The following DOCK11 variants were observed in gnomAD, a reference collection of about 807,000 sequenced individuals.
DOCK11 encodes dedicator of cytokinesis 11, also known as dedicator of cytokinesis protein 11.
Under a neutral mutation model 169.1 loss-of-function variants are expected in DOCK11, and 70 were observed. That is an observed-to-expected ratio of 0.41 (90% CI 0.34 to 0.51). The LOEUF (loss-of-function observed/expected upper bound fraction) is 0.51. DOCK11 is among the 20% of genes least tolerant of loss of function. The pLI, the probability that DOCK11 is intolerant of heterozygous loss-of-function variation, is 0.10. For synonymous variants in DOCK11, 529 were observed against 541.3 expected (o/e 0.98, Z 0.32); for missense variants, 1,166 against 1,538.8 (o/e 0.76, Z 4.05).
chrX:118,505,589 C>A (rs2147307168), intron 1 of DOCK11, among the ~76,000 whole-genome samples: 1 of 112,349 alleles, frequency 8.9e-6, no homozygotes, highest in African/African-American at 3.2e-5. Context: ...AGAATCTTAC[C>A]CTTCCTGGAA....
Position 118,654,931 on chromosome X carries a change from G to A in DOCK11, c.4939G>A (p.Ala1647Thr), listed in dbSNP as rs762176677. 1.7e-6 allele frequency: 2 copies of A among 1,209,001 alleles called. No homozygotes were observed. The highest frequency in any genetic ancestry group is 1.8e-5 in the South Asian group (1 of 56,855). ...EAAMCYVHVA[A>T]LVAEFLHRKK... The stretch of plus-strand genomic sequence containing the variant: ...TGCGATGTGTTATGTCCATGTAGCA[G>A]CTCTAGTTGCAGAGTTTCTTCATCG... Residue 1647 changes from alanine (A) to threonine (T), a missense_variant, in exon 44 of 53, where the codon GCT (alanine) becomes ACT (threonine). Ala to Thr is a moderately conservative substitution (Grantham distance 58). Transcript: ENST00000276202.
intron 1 of DOCK11, among the ~76,000 whole-genome samples, chrX:118,508,908 C>T (rs1056783638): frequency 1.8e-5 from 2 of 112,339 alleles, no homozygotes; most frequent in East Asian, 2.8e-4. Flanking sequence ...CCCTGCCTGC[C>T]CTGCTTCCTT....
chrX:118,663,233 C>T (rs1484559593), intron 45 of DOCK11, among the ~76,000 whole-genome samples: 4 of 112,408 alleles, frequency 3.6e-5, no homozygotes, highest in Admixed American at 1.9e-4. Context: ...ACAGCAAGGC[C>T]TTGGACTTGG....
Position 118,568,102 on chromosome X carries a change from AAAC to A in DOCK11, c.978_980del (p.Asn326del), listed in dbSNP as rs2013135104. On this transcript the variant is annotated inframe_deletion, in exon 10 of 53. Transcript: ENST00000276202. ...AGTATGGAAGAGAAACTGAACAACT[AAAC>A]AAACTCAGTAGAGGAGATGGAAGAC... 1 of 1,156,169 alleles carries A rather than the reference AAAC, an allele frequency of 8.6e-7. No homozygotes were observed. Among genetic ancestry groups the A allele is most frequent in the Non-Finnish European group, 1.2e-6 (1 of 866,967 alleles).
chrX:118,561,379 G>GT lies in DOCK11; in HGVS notation c.559-3dup. The GT allele has an allele frequency of 6.7e-6, 8 of 1,187,686 alleles. No individual in the cohort carries two copies. The highest frequency in any genetic ancestry group is 9.1e-6 in the Non-Finnish European group (8 of 883,855). The stretch of plus-strand genomic sequence containing the variant: ...TGTATCATTGCTGGGTTTTCCCCAT[G>GT]TAGGTATTCAAGAGACGATATTTTT... On this transcript the variant is annotated splice_region_variant and splice_polypyrimidine_tract_variant and intron_variant, in intron 6 of 52. Transcript: ENST00000276202.
rs2057552036 is a variant in DOCK11, at chrX:118,498,429, G to A, written c.102+2356G>A. On this transcript the variant is annotated intron_variant, in intron 1 of 52. Coordinates refer to ENST00000276202, the MANE Select transcript of DOCK11 (RefSeq NM_144658.4). Reference sequence around the variant, plus strand: ...GCTATTTGTAAGCAGTTTAGTCAACGAAAAAATAAGGAAATAGTTCTTACA... The same window carrying A: ...GCTATTTGTAAGCAGTTTAGTCAACAAAAAAATAAGGAAATAGTTCTTACA... Among the ~76,000 whole-genome samples the A allele has an allele frequency of 3.6e-5, 4 of 112,294 alleles. No individual in the cohort carries two copies. In the South Asian group the frequency reaches 1.5e-3, roughly 41 times the overall value.
chrX:118,614,452 A>G (rs1168459415), intron 28 of DOCK11, among the ~76,000 whole-genome samples: 2 of 111,520 alleles, frequency 1.8e-5, no homozygotes, highest in African/African-American at 3.3e-5. Context: ...GTGTGTGGCT[A>G]TATATACATC....
intron 1 of DOCK11, among the ~76,000 whole-genome samples, chrX:118,541,138 G>T (rs2011980836): frequency 8.9e-6 from 1 of 111,983 alleles, no homozygotes; most frequent in African/African-American, 3.2e-5. Flanking sequence ...TGGTATATCA[G>T]ATTGTGGTAA....
At chrX:118,679,000 C>T (rs755768370) in intron 48 of DOCK11, among the ~76,000 whole-genome samples, 12 of 111,052 alleles carry the variant, frequency 1.1e-4, no homozygotes, top group African/African-American at 3.9e-4. Flanking sequence ...CTATGTTGCC[C>T]AGGCTGGTCT....
In DOCK11 at chrX:118,669,453, G is replaced by A. The variant is rs1024244058; in HGVS notation, c.5077-1570G>A. Among the ~76,000 whole-genome samples, 9 of 111,863 alleles carry A rather than the reference G, an allele frequency of 8.0e-5. No homozygotes were observed. The South Asian group carries it at 3.3e-3, about 42-fold the overall frequency. On this transcript the variant is annotated intron_variant, in intron 45 of 52. Coordinates refer to ENST00000276202, the MANE Select transcript of DOCK11 (RefSeq NM_144658.4). The stretch of plus-strand genomic sequence containing the variant: ...GTAGGTGAAGATAAAGGTGTTAGCC[G>A]ACTTGGTGTCTGGTGAGGATCGACT...
intron 45 of DOCK11, among the ~76,000 whole-genome samples, chrX:118,669,332 A>T (rs2016412414): frequency 8.9e-6 from 1 of 112,097 alleles, no homozygotes; most frequent in African/African-American, 3.2e-5. Context: ...ATAGTTGCGT[A>T]GATATCTGAG....
chrX:118,518,139 T>C, intron 1 of DOCK11, among the ~76,000 whole-genome samples: 1 of 112,384 alleles, frequency 8.9e-6, no homozygotes, highest in South Asian at 3.6e-4. Flanking sequence ...TGAATCTTTG[T>C]TCTTTTATTT....
intron 20 of DOCK11, among the ~76,000 whole-genome samples, chrX:118,597,185 C>T (rs1453835110): frequency 1.8e-5 from 2 of 111,703 alleles, no homozygotes; most frequent in East Asian, 5.6e-4. Flanking sequence ...ATGGAAAGGC[C>T]ATGTTGCTGT....
At chrX:118,514,966 C>T (rs965797347) in intron 1 of DOCK11, among the ~76,000 whole-genome samples, 1 of 111,962 alleles carries the variant, frequency 8.9e-6, no homozygotes, top group Non-Finnish European at 1.9e-5. Flanking sequence ...AGAGGCCAGA[C>T]GTCTGAAATA....
chrX:118,638,519 A>G (rs1210571693), intron 37 of DOCK11, among the ~76,000 whole-genome samples: 1 of 112,162 alleles, frequency 8.9e-6, no homozygotes, highest in Non-Finnish European at 1.9e-5. Context: ...TGGGACATAA[A>G]TGATACATTA....
intron 31 of DOCK11, 60 bp downstream of exon 31, chrX:118,618,788 TA>T (rs1475807656): frequency 2.2e-6 from 2 of 908,532 alleles, no homozygotes; most frequent in African/African-American, 4.0e-5. Context: ...TGATTTTTTA[TA>T]GAAGATGAAG....
chrX:118,551,870 A>G (rs750078186), intron 6 of DOCK11, among the ~76,000 whole-genome samples: 1 of 110,726 alleles, frequency 9.0e-6, no homozygotes, highest in African/African-American at 3.3e-5. Flanking sequence ...CCTCGCCTCT[A>G]CAAAAAATAC....
intron 7 of DOCK11, 126 bp from the exon 8 acceptor site, chrX:118,565,879 A>T: frequency 1.6e-6 from 1 of 641,677 alleles, no homozygotes; most frequent in Non-Finnish European, 2.5e-6. Context: ...TGAAAGAAGC[A>T]GTTATTTCAT....
At chrX:118,665,475 A>G (rs1048924205) in intron 45 of DOCK11, among the ~76,000 whole-genome samples, 8 of 112,256 alleles carry the variant, frequency 7.1e-5, no homozygotes, top group African/African-American at 2.6e-4. Flanking sequence ...TTGCCTTCTA[A>G]ACAGCAGCTT....
Sources: gnomAD v4.1 joint callset for allele counts (sites outside exome capture counted in the v4.1 genomes callset) on GRCh38, gnomAD v4.1.1 for gene constraint, MANE v1.5 for transcripts, NCBI Gene and HGNC (gene_info 2026-07-23, HGNC 2026-07-21) for gene names.